PHYHIPL: variants seen among roughly 807,000 people sequenced by gnomAD.
The protein encoded by PHYHIPL is phytanoyl-CoA 2-hydroxylase interacting protein like.
Under a neutral mutation model 33.4 loss-of-function variants are expected in PHYHIPL, and 9 were observed. The ratio of observed to expected loss-of-function variants is 0.27; its 90% CI spans 0.16 to 0.47. The LOEUF (loss-of-function observed/expected upper bound fraction) is 0.47, where lower values mean the gene tolerates loss of function less well. Among genes scored for constraint, PHYHIPL ranks in the 20% least tolerant of loss-of-function variants. The pLI is 0.99. For synonymous variants in PHYHIPL, 153 were observed against 154.1 expected (o/e 0.99, Z 0.05); for missense variants, 365 against 460.7 (o/e 0.79, Z 1.90).
In PHYHIPL at chr10:59,200,698, T is replaced by C. The variant is rs925190315; in HGVS notation, c.106+23739T>C. On this transcript the variant is annotated intron_variant, in intron 1 of 4. Coordinates refer to ENST00000373880, the MANE Select transcript of PHYHIPL (RefSeq NM_032439.4). Reference sequence around the variant, plus strand: ...AATCCATCTGGTCCTGGACTTTTTTTGGTTGGTAAGCTATTATTTACTGCC... The same window carrying C: ...AATCCATCTGGTCCTGGACTTTTTTCGGTTGGTAAGCTATTATTTACTGCC... Among the ~76,000 whole-genome samples the C allele has an allele frequency of 3.3e-4, 51 of 152,300 alleles. 1 individual carries two copies. The highest frequency in any genetic ancestry group is 1.1e-3 in the African/African-American group (45 of 41,554).
chr10:59,196,218 A>G (rs1838910193), intron 1 of PHYHIPL, among the ~76,000 whole-genome samples: 1 of 152,084 alleles, frequency 6.6e-6, no homozygotes, highest in African/African-American at 2.4e-5. Flanking sequence ...CAAGTTTATC[A>G]AAATAACACA....
intron 1 of PHYHIPL, among the ~76,000 whole-genome samples, chr10:59,183,176 A>G (rs558468617): frequency 6.6e-6 from 1 of 152,082 alleles, no homozygotes; most frequent in African/African-American, 2.4e-5. Flanking sequence ...CAAAGGCTAT[A>G]CAAGGTCTGA....
At chr10:59,192,905 A>G (rs1838818771) in intron 1 of PHYHIPL, among the ~76,000 whole-genome samples, 1 of 152,184 alleles carries the variant, frequency 6.6e-6, no homozygotes, top group Admixed American at 6.6e-5. Flanking sequence ...TTAGATTTCA[A>G]TATCTGTGGA....
chr10:59,240,360 G>A (rs1408044286), intron 4 of PHYHIPL, among the ~76,000 whole-genome samples: 3 of 152,010 alleles, frequency 2.0e-5, no homozygotes, highest in Non-Finnish European at 4.4e-5. Context: ...CCCATTGTAA[G>A]TTGAAAATAT....
intron 1 of PHYHIPL, among the ~76,000 whole-genome samples, chr10:59,192,117 C>T (rs1266816327): frequency 1.3e-5 from 2 of 152,058 alleles, no homozygotes; most frequent in Non-Finnish European, 2.9e-5. Context: ...TTTATTAGCA[C>T]ATGGTGCCAT....
chr10:59,175,450 A>C (rs1431885067), upstream of PHYHIPL, among the ~76,000 whole-genome samples: 1 of 152,242 alleles, frequency 6.6e-6, no homozygotes, highest in East Asian at 1.9e-4. Flanking sequence ...ATCTATGTGT[A>C]AACTGTTACT....
intron 1 of PHYHIPL, among the ~76,000 whole-genome samples, chr10:59,208,061 C>T (rs1446173024): frequency 5.9e-5 from 9 of 152,120 alleles, no homozygotes; most frequent in Admixed American, 5.9e-4. Context: ...CAGCACAGCA[C>T]TCGAGCTCTG....
At chr10:59,182,443 C>G (rs1273814755) in intron 1 of PHYHIPL, among the ~76,000 whole-genome samples, 1 of 152,068 alleles carries the variant, frequency 6.6e-6, no homozygotes, top group Non-Finnish European at 1.5e-5. Flanking sequence ...TCTGGTTTCA[C>G]GTGACTCTCC....
intron 1 of PHYHIPL, among the ~76,000 whole-genome samples, chr10:59,180,470 G>T (rs1194701963): frequency 6.6e-6 from 1 of 150,666 alleles, no homozygotes; most frequent in African/African-American, 2.4e-5. Context: ...TAATTAATTT[G>T]TTTTAAAACA....
intron 1 of PHYHIPL, among the ~76,000 whole-genome samples, chr10:59,179,589 A>T (rs1037749477): frequency 3.3e-5 from 5 of 152,088 alleles, no homozygotes; most frequent in Non-Finnish European, 4.4e-5. Context: ...TTAATTTTAT[A>T]ATGTTTTCAT....
intron 1 of PHYHIPL, among the ~76,000 whole-genome samples, chr10:59,193,282 T>A (rs1216105439): frequency 1.3e-5 from 2 of 152,146 alleles, no homozygotes; most frequent in African/African-American, 4.8e-5. Flanking sequence ...GCTTGATAGA[T>A]TTCTCCCCCT....
At position 59,176,905 on chromosome 10, in the gene PHYHIPL, G is replaced by A. The variant is rs767920550; in HGVS notation, c.52G>A (p.Glu18Lys). Reference protein sequence around the residue: ...HALNSPTSPCEEVIKNLSLEA... With the variant: ...HALNSPTSPCKEVIKNLSLEA... Reference sequence around the variant, plus strand: ...CCTCAACAGCCCCACCAGCCCCTGTGAGGAGGTGATCAAAAACCTCAGCCT... The same window carrying A: ...CCTCAACAGCCCCACCAGCCCCTGTAAGGAGGTGATCAAAAACCTCAGCCT... The change falls in exon 1 of 5, where the codon GAG (glutamate) becomes AAG (lysine). Residue 18 changes from glutamate (E) to lysine (K), a missense_variant. Glu to Lys is a moderately conservative substitution (Grantham distance 56). Around this residue, in one of 4 missense-constraint regions of PHYHIPL, gnomAD observed 89 missense variants for 78.3 expected, o/e 1.14. Transcript: ENST00000373880. 1.4e-5 allele frequency: 22 copies of A among 1,613,672 alleles called. No individual in the cohort carries two copies. In the African/African-American group the frequency reaches 2.3e-4, roughly 17 times the overall value.
intron 1 of PHYHIPL, chr10:59,219,270 C>A: frequency 1.1e-6 from 1 of 923,428 alleles, no homozygotes; most frequent in Non-Finnish European, 1.3e-6. Context: ...GAATAAATTG[C>A]TGTAGTGTTT....
chr10:59,200,414 A>G (rs1175201228), intron 1 of PHYHIPL, among the ~76,000 whole-genome samples: 1 of 152,126 alleles, frequency 6.6e-6, no homozygotes, highest in African/African-American at 2.4e-5. Context: ...AGCCAACTTC[A>G]TTGTGGTGGA....
intron 1 of PHYHIPL, among the ~76,000 whole-genome samples, chr10:59,229,023 G>C (rs1055109137): frequency 2.0e-5 from 3 of 152,110 alleles, no homozygotes; most frequent in African/African-American, 7.2e-5. Context: ...AGTTAGATAT[G>C]TTCTATTACA....
At chr10:59,193,196 GAT>G (rs1477399136) in intron 1 of PHYHIPL, among the ~76,000 whole-genome samples, 1 of 152,058 alleles carries the variant, frequency 6.6e-6, no homozygotes, top group African/African-American at 2.4e-5. Flanking sequence ...AATTACTTTA[GAT>G]ATAATTATAT....
intron 1 of PHYHIPL, chr10:59,177,198 C>G (rs1838276333): frequency 3.4e-6 from 2 of 583,868 alleles, no homozygotes; most frequent in Non-Finnish European, 5.9e-6. Flanking sequence ...TGGCGCCCTT[C>G]GCCGCCTTCG....
Position 59,245,362 on chromosome 10 carries a change from C to T in PHYHIPL, c.902C>T (p.Pro301Leu), listed in dbSNP as rs1386045046. ...PGDEFCKQRL[P>L]QLNSKDNKFL... is the part of the protein sequence containing the mutation. ...GATGAATTTTGTAAGCAGCGCCTTCCTCAACTAAATTCTAAGGATAATAAA... is the reference window on the plus strand; with the variant it reads ...GATGAATTTTGTAAGCAGCGCCTTCTTCAACTAAATTCTAAGGATAATAAA... Residue 301 changes from proline (P) to leucine (L), a missense_variant, in exon 5 of 5, where the codon CCT (proline) becomes CTT (leucine). Transcript: ENST00000373880. The T allele has an allele frequency of 1.2e-6, 2 of 1,614,112 alleles. No individual in the cohort carries two copies. The highest frequency in any genetic ancestry group is 1.7e-5 in the Admixed American group (1 of 60,010).
At chr10:59,190,656 A>G (rs537627747) in intron 1 of PHYHIPL, among the ~76,000 whole-genome samples, 105 of 152,060 alleles carry the variant, frequency 6.9e-4, no homozygotes, top group Admixed American at 2.0e-3. Flanking sequence ...ATATTGTCAA[A>G]TTGAATTTCT....
Sources: allele counts gnomAD v4.1 joint callset (sites outside exome capture counted in the v4.1 genomes callset), GRCh38; gene constraint gnomAD v4.1.1; regional missense constraint gnomAD v4.1.1; transcripts MANE v1.5; gene names NCBI Gene and HGNC (gene_info 2026-07-23, HGNC 2026-07-21).